The following NARS2 variants were observed in gnomAD, a reference collection of about 807,000 sequenced individuals.
The protein encoded by NARS2 is asparaginyl-tRNA synthetase.
In NARS2, 60 loss-of-function variants were observed where a neutral mutation model predicts 62.9. The observed-to-expected ratio is 0.95, with a 90% confidence interval of 0.77 to 1.18. NARS2 has a LOEUF of 1.18. Ranked by LOEUF, NARS2 falls within the 50% of genes most tolerant of loss-of-function variation. The pLI is 0.00. For synonymous variants in NARS2, 196 were observed against 200.0 expected (o/e 0.98, Z 0.17); for missense variants, 619 against 576.4 (o/e 1.07, Z -0.76).
chr11:78,521,594 T>C (rs1307211743), intron 6 of NARS2, among the ~76,000 whole-genome samples: 1 of 151,998 alleles, frequency 6.6e-6, no homozygotes, highest in Non-Finnish European at 1.5e-5. Context: ...ATCGAGACCA[T>C]CCCGGCTAAA....
At chr11:78,551,374 CGTGT>C (rs1424656280) in intron 5 of NARS2, among the ~76,000 whole-genome samples, 1 of 152,032 alleles carries the variant, frequency 6.6e-6, no homozygotes, top group Non-Finnish European at 1.5e-5. Flanking sequence ...CAATGGTAAG[CGTGT>C]GTGTATGTAA....
intron 3 of NARS2, among the ~76,000 whole-genome samples, chr11:78,568,366 T>C (rs991550579): frequency 2.6e-5 from 4 of 152,294 alleles, no homozygotes; most frequent in South Asian, 2.1e-4. Flanking sequence ...TGGTATATCA[T>C]GGTGGCTGAC....
chr11:78,543,000 T>C (rs1590839175), intron 5 of NARS2, among the ~76,000 whole-genome samples: 1 of 152,194 alleles, frequency 6.6e-6, no homozygotes, highest in African/African-American at 2.4e-5. Context: ...GGTTGCCCTT[T>C]ACCTCTGGCT....
chr11:78,459,402 C>G (rs1434235159), intron 11 of NARS2, among the ~76,000 whole-genome samples: 1 of 150,852 alleles, frequency 6.6e-6, no homozygotes, highest in African/African-American at 2.5e-5. Context: ...TCCCAAGTAG[C>G]TGGGATTACA....
intron 9 of NARS2, among the ~76,000 whole-genome samples, chr11:78,477,997 A>G (rs1859175885): frequency 6.6e-6 from 1 of 152,162 alleles, no homozygotes; most frequent in African/African-American, 2.4e-5. Flanking sequence ...CACAGTCCAA[A>G]TCATCATTAA....
intron 5 of NARS2, among the ~76,000 whole-genome samples, chr11:78,548,498 C>A (rs1855963174): frequency 6.6e-6 from 1 of 152,158 alleles, no homozygotes; most frequent in South Asian, 2.1e-4. Context: ...GTTACCATTT[C>A]TAGAATGCAC....
At chr11:78,500,648 T>C (rs1265851898) in intron 6 of NARS2, among the ~76,000 whole-genome samples, 1 of 152,100 alleles carries the variant, frequency 6.6e-6, no homozygotes, top group Non-Finnish European at 1.5e-5. Context: ...TAATTAAAAA[T>C]TTTTTTATAG....
intron 13 of NARS2, among the ~76,000 whole-genome samples, chr11:78,438,397 A>G (rs1240711359): frequency 6.6e-6 from 1 of 152,228 alleles, no homozygotes; most frequent in Non-Finnish European, 1.5e-5. Flanking sequence ...AGCGGGAAAG[A>G]GTACACTTTG....
intron 11 of NARS2, among the ~76,000 whole-genome samples, chr11:78,465,103 C>G (rs779439217): frequency 6.6e-6 from 1 of 152,216 alleles, no homozygotes. Context: ...CTGCAGGTCC[C>G]GAGCCCTGCC....
chr11:78,558,596 A>G (rs1295265217), intron 5 of NARS2: 2 of 152,232 alleles, frequency 1.3e-5, no homozygotes, highest in African/African-American at 2.4e-5. Flanking sequence ...ACAACCGGCT[A>G]ATGATTTTAA....
chr11:78,551,587 A>G (rs1027893986), intron 5 of NARS2, among the ~76,000 whole-genome samples: 1 of 152,064 alleles, frequency 6.6e-6, no homozygotes, highest in South Asian at 2.1e-4. Flanking sequence ...GCGGTGGCTC[A>G]TGCCTGTAAT....
intron 5 of NARS2, among the ~76,000 whole-genome samples, chr11:78,530,348 G>A (rs527279954): frequency 5.9e-5 from 9 of 152,070 alleles, no homozygotes; most frequent in African/African-American, 2.2e-4. Flanking sequence ...AAATTTATAA[G>A]ACTACCATAC....
intron 5 of NARS2, among the ~76,000 whole-genome samples, chr11:78,533,915 G>A (rs1861571841): frequency 6.6e-6 from 1 of 152,140 alleles, no homozygotes; most frequent in African/African-American, 2.4e-5. Flanking sequence ...AGCCTTTTCA[G>A]ATTGGTCTCT....
At chr11:78,510,950 G>A (rs768569431) in intron 6 of NARS2, among the ~76,000 whole-genome samples, 5 of 152,252 alleles carry the variant, frequency 3.3e-5, no homozygotes, top group Non-Finnish European at 5.9e-5. Context: ...CTAAAAAAAC[G>A]AAAATCTAAC....
At chr11:78,533,653 A>G (rs1006216619) in intron 5 of NARS2, among the ~76,000 whole-genome samples, 1 of 152,240 alleles carries the variant, frequency 6.6e-6, no homozygotes, top group Non-Finnish European at 1.5e-5. Flanking sequence ...ACCTTAGGCA[A>G]CCAAGGAGTC....
At chr11:78,505,033 C>T (rs1860433927) in intron 6 of NARS2, among the ~76,000 whole-genome samples, 2 of 151,014 alleles carry the variant, frequency 1.3e-5, no homozygotes, top group Non-Finnish European at 2.9e-5. Flanking sequence ...GCACACAGTT[C>T]ACAGGTAAAT....
At chr11:78,489,924 G>GCTT (rs1859743804) in intron 7 of NARS2, among the ~76,000 whole-genome samples, 1 of 151,980 alleles carries the variant, frequency 6.6e-6, no homozygotes, top group South Asian at 2.1e-4. Flanking sequence ...TGTAGTCTTA[G>GCTT]CTTCTTGGGA....
chr11:78,445,299 T>C (rs1027011525), intron 11 of NARS2, among the ~76,000 whole-genome samples: 5 of 152,242 alleles, frequency 3.3e-5, no homozygotes, highest in South Asian at 4.1e-4. Flanking sequence ...AAATTAATTA[T>C]ATTTCTTCAA....
intron 4 of NARS2, among the ~76,000 whole-genome samples, chr11:78,564,696 C>T (rs1455606718): frequency 6.6e-6 from 1 of 152,116 alleles, no homozygotes; most frequent in South Asian, 2.1e-4. Flanking sequence ...GGTATTTTTA[C>T]AATTGTGTGG....
Sources: allele counts gnomAD v4.1 joint callset (sites outside exome capture counted in the v4.1 genomes callset), GRCh38; gene constraint gnomAD v4.1.1; transcripts MANE v1.5; gene names NCBI Gene and HGNC (gene_info 2026-07-23, HGNC 2026-07-21).